Variants in PPP2R2B observed in about 807,000 individuals in gnomAD.
The protein encoded by PPP2R2B is serine/threonine-protein phosphatase 2A 55 kDa regulatory subunit B beta isoform.
A neutral mutation model predicts 46.0 loss-of-function variants in PPP2R2B; 5 were observed. The ratio of observed to expected loss-of-function variants is 0.11; its 90% CI spans 0.06 to 0.23. The LOEUF (loss-of-function observed/expected upper bound fraction) is 0.23. Ranked by LOEUF, PPP2R2B falls within the 10% of genes least tolerant of loss-of-function variation. The pLI is 1.00. For missense variants in PPP2R2B, 367 were observed against 575.0 expected (o/e 0.64, Z 3.70); for synonymous variants, 215 against 206.7 (o/e 1.04, Z -0.34).
chr5:146,695,700 A>C (rs1672096409), intron 4 of PPP2R2B, among the ~76,000 whole-genome samples: 1 of 152,240 alleles, frequency 6.6e-6, no homozygotes, highest in African/African-American at 2.4e-5. Context: ...ATGAGTAATG[A>C]CTTTTTCTTT....
chr5:146,804,042 C>A (rs575264357), intron 2 of PPP2R2B, among the ~76,000 whole-genome samples: 1 of 152,144 alleles, frequency 6.6e-6, no homozygotes, highest in South Asian at 2.1e-4. Context: ...TGGCCAGTGC[C>A]TGTAGTCCCA....
intron 1 of PPP2R2B, among the ~76,000 whole-genome samples, chr5:146,935,047 A>C (rs149627345): frequency 2.5e-4 from 38 of 152,314 alleles, no homozygotes; most frequent in African/African-American, 9.1e-4. Flanking sequence ...ATTAGTTTCT[A>C]GGCATTGAAG....
chr5:146,910,702 CA>C (rs1271615308), intron 1 of PPP2R2B, among the ~76,000 whole-genome samples: 14 of 152,298 alleles, frequency 9.2e-5, no homozygotes, highest in African/African-American at 3.1e-4. Context: ...TAATACATTA[CA>C]TTGTATTGTA....
At chr5:147,037,854 G>A (rs1379147362) in intron 1 of PPP2R2B, among the ~76,000 whole-genome samples, 1 of 152,182 alleles carries the variant, frequency 6.6e-6, no homozygotes, top group Non-Finnish European at 1.5e-5. Context: ...CTACAAGACT[G>A]TACTCTCCAG....
chr5:146,810,975 T>C (rs1757504995), intron 2 of PPP2R2B, among the ~76,000 whole-genome samples: 2 of 150,304 alleles, frequency 1.3e-5, no homozygotes, highest in Non-Finnish European at 3.0e-5. Flanking sequence ...CATGCGGTGT[T>C]TGGTTTTTTG....
intron 1 of PPP2R2B, among the ~76,000 whole-genome samples, chr5:146,908,461 AT>A (rs932471607): frequency 6.6e-6 from 1 of 151,750 alleles, no homozygotes; most frequent in Non-Finnish European, 1.5e-5. Flanking sequence ...AGACTCCTAA[AT>A]TTTTTGAACA....
rs10591869 is a variant in PPP2R2B at position 146,878,727 on chromosome 5, A to AGCT, written c.-264_-262dup. 0.01 allele frequency: 13,153 copies of AGCT among 1,296,802 alleles called. 75 individuals carry two copies. The highest frequency in any genetic ancestry group is 0.014 in the Middle Eastern group (43 of 3,134). 80.3% of individuals were successfully genotyped at this position (1,296,802 alleles called of 1,614,324 possible). ...CTCACACCCACACGCGCGCACTCGC[A>AGCT]GCTGCTGCTGCTGCTGCTGCTGCTG... On this transcript the variant is annotated 5_prime_UTR_variant, in exon 1 of 10. Coordinates refer to ENST00000394411, the MANE Select transcript of PPP2R2B (RefSeq NM_181675.4). This position sits in a 1 kb window ranked among gnomAD's most constrained non-coding sequence, Gnocchi z 4.5.
intron 1 of PPP2R2B, among the ~76,000 whole-genome samples, chr5:147,050,159 A>G (rs1400186272): frequency 1.3e-5 from 2 of 152,208 alleles, no homozygotes; most frequent in Non-Finnish European, 2.9e-5. Context: ...TTGTACATAA[A>G]ATTCAAAAAA....
intron 2 of PPP2R2B, among the ~76,000 whole-genome samples, chr5:146,792,647 T>C (rs1443918517): frequency 1.3e-5 from 2 of 152,190 alleles, no homozygotes; most frequent in Admixed American, 6.5e-5. Context: ...AAAGGCTTCA[T>C]TGAAAAGGCA....
Position 147,071,837 on chromosome 5 carries a change from G to T in PPP2R2B, c.50+9222C>A, listed in dbSNP as rs77957552. Reference sequence around the variant, plus strand: ...TCCACTATTGAATCTCCAGTGCCTAGAATGCCAAGCACATAGTAGGTGCTC... The same window carrying T: ...TCCACTATTGAATCTCCAGTGCCTATAATGCCAAGCACATAGTAGGTGCTC... On this transcript the variant is annotated intron_variant, in intron 2 of 10. Transcript: ENST00000394413. Among the ~76,000 whole-genome samples the T allele has an allele frequency of 1.2e-3, 176 of 152,286 alleles. 1 individual carries two copies. The highest frequency in any genetic ancestry group is 2.0e-3 in the Non-Finnish European group (139 of 68,034).
intron 7 of PPP2R2B, among the ~76,000 whole-genome samples, chr5:146,621,282 C>T (rs1483405229): frequency 2.0e-5 from 3 of 152,362 alleles, no homozygotes; most frequent in Admixed American, 2.0e-4. Flanking sequence ...AGTCTTCCAT[C>T]TGCCAGGCAC....
At chr5:146,974,803 C>A (rs1397210134) in intron 1 of PPP2R2B, among the ~76,000 whole-genome samples, 1 of 151,616 alleles carries the variant, frequency 6.6e-6, no homozygotes, top group Non-Finnish European at 1.5e-5. Flanking sequence ...ATTCTCCTGC[C>A]TCAACTTCCT....
intron 1 of PPP2R2B, among the ~76,000 whole-genome samples, chr5:147,008,011 CTT>C (rs1441943489): frequency 6.6e-6 from 1 of 152,174 alleles, no homozygotes; most frequent in South Asian, 2.1e-4. Context: ...AAACTAAACT[CTT>C]TAGAAAAGCA....
chr5:146,783,537 G>T (rs142505263), intron 2 of PPP2R2B, among the ~76,000 whole-genome samples: 222 of 152,186 alleles, frequency 1.5e-3, no homozygotes, highest in Admixed American at 7.5e-3. Context: ...ATTTTCCAAA[G>T]TCCATACAAC....
chr5:146,748,496 C>A (rs1264313501), intron 2 of PPP2R2B, among the ~76,000 whole-genome samples: 1 of 152,168 alleles, frequency 6.6e-6, no homozygotes, highest in Non-Finnish European at 1.5e-5. Context: ...TCCCTCCAGT[C>A]CCCATCCTTT....
At chr5:147,012,643 G>C (rs1478242385) in intron 1 of PPP2R2B, among the ~76,000 whole-genome samples, 1 of 151,478 alleles carries the variant, frequency 6.6e-6, no homozygotes, top group African/African-American at 2.4e-5. Context: ...GTTTGCTCTT[G>C]CTTTTCTAGT....
At chr5:147,081,425 G>A (rs372467255) in exon 1 of PPP2R2B, 76 of 853,448 alleles carry the variant, frequency 8.9e-5, no homozygotes, top group African/African-American at 7.8e-4. Context: ...CCCTGGCAGC[G>A]TCCTGGAGTG....
chr5:146,767,188 C>T (rs1231014919), intron 2 of PPP2R2B, among the ~76,000 whole-genome samples: 1 of 150,760 alleles, frequency 6.6e-6, no homozygotes, highest in Non-Finnish European at 1.5e-5. Flanking sequence ...AACAGGAATA[C>T]TTGAGAATAT....
In PPP2R2B at chr5:146,581,231, C is replaced by A. The variant is rs1769880947; in HGVS notation, c.*8716G>T. 3 of 152,114 alleles carry A rather than the reference C, an allele frequency of 2.0e-5. No homozygotes were observed. The South Asian group carries it at 6.2e-4, about 32-fold the overall frequency. 9.4% of individuals were successfully genotyped at this position (152,114 alleles called of 1,614,324 possible). ...GACATCTGCTCAGCTTCTGGAGAGG[C>A]CTCTGGATACTTACAATCATGGCAG... On this transcript the variant is annotated 3_prime_UTR_variant, in exon 10 of 10. Coordinates refer to ENST00000394411, the MANE Select transcript of PPP2R2B (RefSeq NM_181675.4).
Sources: gnomAD v4.1 joint callset for allele counts (sites outside exome capture counted in the v4.1 genomes callset) on GRCh38, gnomAD v4.1.1 for gene constraint, Gnocchi (gnomAD v3.1) non-coding constraint, MANE v1.5 for transcripts, NCBI Gene and HGNC (gene_info 2026-07-23, HGNC 2026-07-21) for gene names.